STX3: variants seen among roughly 807,000 people sequenced by gnomAD.
The protein encoded by STX3 is syntaxin-3.
In STX3, 19 loss-of-function variants were observed where a neutral mutation model predicts 40.2. That is an observed-to-expected ratio of 0.47 (90% confidence interval 0.33 to 0.69). The LOEUF (loss-of-function observed/expected upper bound fraction) is 0.69, where lower values mean the gene tolerates loss of function less well. Among genes scored for constraint, STX3 ranks in the 30% least tolerant of loss-of-function variants. STX3 has a pLI of 0.02. For synonymous variants in STX3, 122 were observed against 132.2 expected, an observed-to-expected ratio of 0.92 and a Z score of 0.53; for missense variants, 364 against 366.7, an observed-to-expected ratio of 0.99 and a Z score of 0.06.
At chr11:59,796,391 T>TA (rs1249214964) in intron 9 of STX3, among the ~76,000 whole-genome samples, 3 of 152,226 alleles carry the variant, frequency 2.0e-5, no homozygotes, top group African/African-American at 4.8e-5. Flanking sequence ...GTCTGCTTTT[T>TA]AGACTTCTCT....
intron 1 of STX3, among the ~76,000 whole-genome samples, chr11:59,762,888 C>G (rs1414002378): frequency 6.6e-6 from 1 of 152,162 alleles, no homozygotes; most frequent in East Asian, 1.9e-4. Context: ...TTGTAGGTTT[C>G]ATTTGGGTAA....
At chr11:59,778,826 TTTTCC>T (rs1475187833) in intron 2 of STX3, among the ~76,000 whole-genome samples, 2 of 148,932 alleles carry the variant, frequency 1.3e-5, no homozygotes, top group African/African-American at 2.5e-5. Context: ...TTTTCTTTTC[TTTTCC>T]TTTTTTTTTT....
At chr11:59,757,486 C>T (rs1862782430) in intron 1 of STX3, among the ~76,000 whole-genome samples, 1 of 152,158 alleles carries the variant, frequency 6.6e-6, no homozygotes, top group Admixed American at 6.5e-5. Flanking sequence ...TTTAATTTGC[C>T]TGGGGACGCT....
intron 1 of STX3, among the ~76,000 whole-genome samples, chr11:59,768,244 A>C (rs1177625132): frequency 6.6e-6 from 1 of 152,168 alleles, no homozygotes; most frequent in South Asian, 2.1e-4. Flanking sequence ...AGGCAGATTC[A>C]GTCAGTTGAT....
intron 5 of STX3, 145 bp from the exon 6 acceptor site, chr11:59,791,962 G>A (rs1222830624): frequency 2.8e-6 from 2 of 706,416 alleles, no homozygotes; most frequent in Non-Finnish European, 5.1e-6. Flanking sequence ...GTGGCACAAA[G>A]CTAGGAAACA....
Position 59,793,533 on chromosome 11 carries a change from C to A in STX3, c.675+19C>A. ...GAATCAGGTAAGTGGCAGTGAGTCC[C>A]AGCGTGGGGAGGGAGGAGAGGAAAG... On this transcript the variant is annotated intron_variant, in intron 8 of 10. Coordinates refer to ENST00000337979, the MANE Select transcript of STX3 (RefSeq NM_004177.5). 1.2e-6 allele frequency: 2 copies of A among 1,606,748 alleles called. No individual in the cohort carries two copies. The highest frequency in any genetic ancestry group is 1.7e-6 in the Non-Finnish European group (2 of 1,174,716).
At chr11:59,800,325 G>C (rs898522629) in intron 10 of STX3, 1 of 985,258 alleles carries the variant, frequency 1.0e-6, no homozygotes, top group African/African-American at 1.7e-5. Context: ...TAAGATCATA[G>C]TATCCTCATT....
At chr11:59,775,769 T>C (rs17154134) in intron 2 of STX3, among the ~76,000 whole-genome samples, 15,820 of 152,236 alleles carry the variant, frequency 0.1, 1,154 homozygotes, top group African/African-American at 0.2. Flanking sequence ...CTGAAGAGGC[T>C]GTTGAAGATT....
At chr11:59,797,936 A>G (rs911461217) in intron 10 of STX3, among the ~76,000 whole-genome samples, 4 of 152,244 alleles carry the variant, frequency 2.6e-5, no homozygotes, top group African/African-American at 9.6e-5. Context: ...TAAACACCTT[A>G]TACACATATC....
chr11:59,798,116 C>T (rs1006979266), intron 10 of STX3, among the ~76,000 whole-genome samples: 3 of 152,190 alleles, frequency 2.0e-5, no homozygotes, highest in African/African-American at 7.2e-5. Flanking sequence ...AACTATAAAG[C>T]CTGGAGAACC....
intron 1 of STX3, among the ~76,000 whole-genome samples, chr11:59,768,073 A>T (rs1417287174): frequency 6.6e-6 from 1 of 152,204 alleles, no homozygotes. Flanking sequence ...AAATATTATC[A>T]TATTGAATTC....
At chr11:59,788,827 C>T in intron 3 of STX3, 46 bp from the exon 4 acceptor site, 1 of 1,518,032 alleles carries the variant, frequency 6.6e-7, no homozygotes, top group Non-Finnish European at 9.1e-7. Context: ...ACAAAGGAAT[C>T]AGTCCTCTCC....
Position 59,773,248 on chromosome 11 carries a change from A to C in STX3, c.68A>C (p.Glu23Ala). ...CAGGATGATGATACTGATGCGGTTG[A>C]GATTGCTATCGACAACACGGCTTTT... The part of the protein sequence containing the change: ...LTQDDDTDAV[E>A]IAIDNTAFMD... Residue 23 changes from glutamate to alanine, a missense_variant, in exon 2 of 11, where the codon GAG (glutamate) becomes GCG (alanine). Coordinates refer to ENST00000337979, the MANE Select transcript of STX3 (RefSeq NM_004177.5). 6.2e-7 allele frequency: 1 copy of C among 1,614,168 alleles called. No homozygotes were observed. The highest frequency in any genetic ancestry group is 8.5e-7 in the Non-Finnish European group (1 of 1,180,018).
At chr11:59,793,030 T>C in intron 6 of STX3, 69 bp from the exon 7 acceptor site, 1 of 1,521,810 alleles carries the variant, frequency 6.6e-7, no homozygotes, top group South Asian at 1.2e-5. Context: ...TTCCTAATTT[T>C]CAGGGTCCTT....
At chr11:59,755,303 G>A, upstream of STX3, 1 of 253,452 alleles carries the variant, frequency 3.9e-6, no homozygotes, top group Non-Finnish European at 7.4e-6. Context: ...CCTTTAAGAA[G>A]GAGCGAGGGG....
chr11:59,772,916 A>T (rs547903740), intron 1 of STX3, among the ~76,000 whole-genome samples: 83 of 151,958 alleles, frequency 5.5e-4, no homozygotes, highest in African/African-American at 2.0e-3. Flanking sequence ...AAACCTAGGC[A>T]CAGCAAGATA....
chr11:59,755,510 C>T lies in STX3; in HGVS notation c.-96C>T. The stretch of plus-strand genomic sequence containing the variant: ...CCTCCAGCTCCTTCGCCCCGGCGGG[C>T]CCGGCCGCCGCTTCCGGCAGCTCAC... On this transcript the variant is annotated 5_prime_UTR_variant, in exon 1 of 11. Transcript: ENST00000337979. The T allele has an allele frequency of 7.1e-7, 1 of 1,417,596 alleles. No individual in the cohort carries two copies. The highest frequency in any genetic ancestry group is 9.2e-7 in the Non-Finnish European group (1 of 1,088,714). 87.8% of individuals were successfully genotyped at this position (1,417,596 alleles called of 1,614,324 possible).
intron 2 of STX3, 27 bp from the exon 3 acceptor site, chr11:59,787,009 AT>A: frequency 6.3e-7 from 1 of 1,594,548 alleles, no homozygotes. Flanking sequence ...CTCTTTGATG[AT>A]GAAGGTTATT....
intron 1 of STX3, among the ~76,000 whole-genome samples, chr11:59,764,996 T>G (rs1365791278): frequency 1.3e-5 from 2 of 152,034 alleles, no homozygotes; most frequent in South Asian, 4.2e-4. Flanking sequence ...TCACTGGCCT[T>G]GGGCTCACTG....
Sources: allele counts gnomAD v4.1 joint callset (sites outside exome capture counted in the v4.1 genomes callset), GRCh38; gene constraint gnomAD v4.1.1; transcripts MANE v1.5; gene names NCBI Gene and HGNC (gene_info 2026-07-23, HGNC 2026-07-21).